Variants in MTUS2 observed in about 807,000 individuals in gnomAD.
The protein encoded by MTUS2 is microtubule-associated tumor suppressor candidate 2.
In MTUS2, 40 loss-of-function variants were observed where a neutral mutation model predicts 114.1. That is an observed-to-expected ratio of 0.35 (90% CI 0.27 to 0.46). The LOEUF is 0.46. MTUS2 is among the 20% of genes least tolerant of loss of function. The pLI, the probability that MTUS2 is intolerant of heterozygous loss-of-function variation, is 1.00. For missense variants in MTUS2, 1,679 were observed against 1,705.4 expected, an observed-to-expected ratio of 0.98 and a Z score of 0.27; for synonymous variants, 688 against 672.0, an observed-to-expected ratio of 1.02 and a Z score of -0.37.
At chr13:29,049,749 G>GA (rs1424421277) in intron 4 of MTUS2, among the ~76,000 whole-genome samples, 1 of 152,212 alleles carries the variant, frequency 6.6e-6, no homozygotes, top group Admixed American at 6.5e-5. Context: ...CAGGAGGCAG[G>GA]AGTATCCACA....
intron 5 of MTUS2, among the ~76,000 whole-genome samples, chr13:29,143,196 T>G (rs1178492937): frequency 6.6e-6 from 1 of 152,240 alleles, no homozygotes; most frequent in Non-Finnish European, 1.5e-5. Flanking sequence ...AGAAGCCTAT[T>G]GTATTTTACT....
intron 4 of MTUS2, among the ~76,000 whole-genome samples, chr13:29,067,746 C>T (rs1888727198): frequency 1.3e-5 from 2 of 151,982 alleles, no homozygotes; most frequent in South Asian, 4.2e-4. Context: ...CTACAGTGGC[C>T]TGTGGAGAGA....
chr13:29,012,141 C>G (rs570430168), intron 2 of MTUS2, among the ~76,000 whole-genome samples: 1 of 152,148 alleles, frequency 6.6e-6, no homozygotes, highest in Admixed American at 6.5e-5. Flanking sequence ...CCATCCATTC[C>G]GTGAGTCTAA....
intron 6 of MTUS2, among the ~76,000 whole-genome samples, chr13:29,311,544 A>T (rs911882528): frequency 5.3e-5 from 8 of 152,180 alleles, no homozygotes; most frequent in African/African-American, 1.9e-4. Context: ...GAAAAAGTGT[A>T]TTTTTTGTAC....
At chr13:29,307,782 G>C in intron 6 of MTUS2, 1 of 1,015,546 alleles carries the variant, frequency 9.8e-7, no homozygotes, top group Admixed American at 1.7e-5. Context: ...CCTCCAAGGA[G>C]TAAGACCCCC....
At chr13:29,015,990 C>T (rs537146809) in intron 2 of MTUS2, among the ~76,000 whole-genome samples, 8 of 152,152 alleles carry the variant, frequency 5.3e-5, no homozygotes, top group East Asian at 3.9e-4. Flanking sequence ...GTGCAACCTC[C>T]GCCTCCTGGG....
intron 5 of MTUS2, among the ~76,000 whole-genome samples, chr13:29,272,405 A>G (rs757948879): frequency 6.6e-6 from 1 of 152,236 alleles, no homozygotes; most frequent in Non-Finnish European, 1.5e-5. Context: ...CCATCTTCTT[A>G]TTAATGACTG....
intron 8 of MTUS2, among the ~76,000 whole-genome samples, chr13:29,399,250 G>A (rs1295126748): frequency 2.0e-5 from 3 of 152,026 alleles, no homozygotes; most frequent in South Asian, 2.1e-4. Context: ...GGACACTCTC[G>A]TCTCTATCTT....
intron 2 of MTUS2, among the ~76,000 whole-genome samples, chr13:28,981,525 A>G (rs778602063): frequency 6.6e-6 from 1 of 152,198 alleles, no homozygotes; most frequent in Admixed American, 6.5e-5. Context: ...AGAAGTATAC[A>G]CTTAAAGGAG....
rs550010734 is a variant in MTUS2, at chr13:28,952,646, T to C, written c.-242-71811T>C. 1.2e-4 allele frequency among the ~76,000 whole-genome samples: 19 copies of C among 152,316 alleles called. No individual in the cohort carries two copies. The East Asian group carries it at 3.7e-3, about 29-fold the overall frequency. ...CCCCAGGTAACCATATGTGAACATA[T>C]AAACATAAGGGGTTGAGAATATTTA... On this transcript the variant is annotated intron_variant, in intron 2 of 15. Transcript: ENST00000612955.
At chr13:29,424,031 A>T (rs997248474) in intron 8 of MTUS2, among the ~76,000 whole-genome samples, 3 of 145,296 alleles carry the variant, frequency 2.1e-5, no homozygotes, top group Non-Finnish European at 4.5e-5. Context: ...TGCCTGGCTA[A>T]TTTTTTTTTT....
chr13:29,361,862 C>T (rs562328664), intron 8 of MTUS2, among the ~76,000 whole-genome samples: 2 of 152,328 alleles, frequency 1.3e-5, no homozygotes, highest in Middle Eastern at 3.4e-3. Context: ...AAGGAATGCA[C>T]GTGTATCTTT....
chr13:29,020,617 G>T (rs1420318212), intron 2 of MTUS2, among the ~76,000 whole-genome samples: 2 of 152,182 alleles, frequency 1.3e-5, no homozygotes, highest in Non-Finnish European at 2.9e-5. Flanking sequence ...TGCTTTTCCT[G>T]TCTTATGTGA....
At chr13:29,064,799 A>G (rs1028425596) in intron 4 of MTUS2, among the ~76,000 whole-genome samples, 1 of 152,070 alleles carries the variant, frequency 6.6e-6, no homozygotes, top group Non-Finnish European at 1.5e-5. Context: ...ACCCTCAGGC[A>G]GGCTCCAGTG....
At chr13:28,859,039 T>A (rs1033571038) in intron 2 of MTUS2, among the ~76,000 whole-genome samples, 1 of 152,170 alleles carries the variant, frequency 6.6e-6, no homozygotes, top group African/African-American at 2.4e-5. Context: ...AGACGGCAGG[T>A]ACTCAAGACA....
intron 4 of MTUS2, among the ~76,000 whole-genome samples, chr13:29,088,179 T>G (rs1889783148): frequency 6.6e-6 from 1 of 152,204 alleles, no homozygotes; most frequent in Non-Finnish European, 1.5e-5. Flanking sequence ...TGTTGTATGT[T>G]TGTTTTCATT....
chr13:29,137,636 G>C (rs1892038013), intron 5 of MTUS2, among the ~76,000 whole-genome samples: 1 of 146,664 alleles, frequency 6.8e-6, no homozygotes, highest in Non-Finnish European at 1.5e-5. Context: ...TCTTTTTTTT[G>C]AGACAAGTCT....
chr13:28,833,495 A>G, intron 1 of MTUS2, among the ~76,000 whole-genome samples: 1 of 152,136 alleles, frequency 6.6e-6, no homozygotes, highest in East Asian at 1.9e-4. Context: ...AAACAAAAAA[A>G]CCACTTGACA....
intron 5 of MTUS2, among the ~76,000 whole-genome samples, chr13:29,245,941 C>T (rs1407295717): frequency 6.6e-6 from 1 of 152,146 alleles, no homozygotes; most frequent in Non-Finnish European, 1.5e-5. Flanking sequence ...TCGTGATCTG[C>T]CCGCCTAGGC....
Sources: gnomAD v4.1 joint callset for allele counts (sites outside exome capture counted in the v4.1 genomes callset) on GRCh38, gnomAD v4.1.1 for gene constraint, MANE v1.5 for transcripts, NCBI Gene and HGNC (gene_info 2026-07-23, HGNC 2026-07-21) for gene names.